DACH1: variants seen among roughly 807,000 people sequenced by gnomAD.
The protein encoded by DACH1 is dachshund family transcription factor 1.
In DACH1, 12 loss-of-function variants were observed where a neutral mutation model predicts 54.2. The observed-to-expected ratio is 0.22, with a 90% confidence interval of 0.14 to 0.36. DACH1 has a LOEUF of 0.36. Ranked by LOEUF, DACH1 falls within the 10% of genes least tolerant of loss-of-function variation. The pLI, the probability that DACH1 is intolerant of heterozygous loss-of-function variation, is 1.00. For synonymous variants in DACH1, 386 were observed against 366.2 expected, an observed-to-expected ratio of 1.05 and a Z score of -0.62; for missense variants, 805 against 929.8, an observed-to-expected ratio of 0.87 and a Z score of 1.75.
chr13:71,667,565 T>C (rs1879922830), intron 2 of DACH1, among the ~76,000 whole-genome samples: 2 of 152,218 alleles, frequency 1.3e-5, no homozygotes, highest in African/African-American at 2.4e-5. Context: ...CTCTCATTGA[T>C]ACATATAGTA....
At chr13:71,804,489 G>A (rs1215967355) in intron 1 of DACH1, among the ~76,000 whole-genome samples, 1 of 152,082 alleles carries the variant, frequency 6.6e-6, no homozygotes, top group African/African-American at 2.4e-5. Context: ...TACATCTTTA[G>A]AGATTGATTC....
intron 3 of DACH1, among the ~76,000 whole-genome samples, chr13:71,623,075 G>A (rs1260257048): frequency 6.6e-6 from 1 of 151,636 alleles, no homozygotes; most frequent in Non-Finnish European, 1.5e-5. Context: ...TATAAATCAT[G>A]CTGTAATGAT....
chr13:71,630,801 A>G, intron 2 of DACH1, 84 bp from the exon 3 acceptor site: 2 of 1,401,440 alleles, frequency 1.4e-6, no homozygotes, highest in Non-Finnish European at 1.9e-6. Context: ...ACCAACATAC[A>G]AACATTTATT....
intron 1 of DACH1, among the ~76,000 whole-genome samples, chr13:71,836,865 C>T (rs968168427): frequency 6.6e-6 from 1 of 152,034 alleles, no homozygotes; most frequent in Non-Finnish European, 1.5e-5. Context: ...CTCTCCACCC[C>T]TAACCATGAG....
At chr13:71,467,382 C>G (rs897287230) in intron 10 of DACH1, among the ~76,000 whole-genome samples, 4 of 148,698 alleles carry the variant, frequency 2.7e-5, no homozygotes, top group East Asian at 2.0e-4. Flanking sequence ...ATAGCATTAG[C>G]AGATATACCT....
chr13:71,683,303 G>A (rs1016119734), intron 1 of DACH1, among the ~76,000 whole-genome samples: 1 of 152,058 alleles, frequency 6.6e-6, no homozygotes, highest in Non-Finnish European at 1.5e-5. Flanking sequence ...TTGGAAGTTA[G>A]GATGGATGAT....
At chr13:71,466,892 C>T (rs1427802359) in intron 10 of DACH1, among the ~76,000 whole-genome samples, 6 of 148,678 alleles carry the variant, frequency 4.0e-5, no homozygotes, top group Non-Finnish European at 7.4e-5. Flanking sequence ...AAACTAAGCT[C>T]AATCATTATG....
intron 1 of DACH1, among the ~76,000 whole-genome samples, chr13:71,720,433 C>G (rs2138801293): frequency 6.6e-6 from 1 of 152,228 alleles, no homozygotes; most frequent in East Asian, 1.9e-4. Flanking sequence ...AGAGACACAC[C>G]TTGTTACCCT....
chr13:71,750,821 T>C (rs1294769965), intron 1 of DACH1, among the ~76,000 whole-genome samples: 2 of 152,124 alleles, frequency 1.3e-5, no homozygotes, highest in Non-Finnish European at 2.9e-5. Flanking sequence ...TTAGCTCTTG[T>C]AATAATTAGG....
At chr13:71,725,433 T>G (rs1012472401) in intron 1 of DACH1, among the ~76,000 whole-genome samples, 2 of 152,132 alleles carry the variant, frequency 1.3e-5, no homozygotes, top group African/African-American at 4.8e-5. Flanking sequence ...CATTGTGGTA[T>G]CTAACATTTA....
At chr13:71,657,874 C>A (rs1309791755) in intron 2 of DACH1, among the ~76,000 whole-genome samples, 1 of 152,088 alleles carries the variant, frequency 6.6e-6, no homozygotes, top group Non-Finnish European at 1.5e-5. Flanking sequence ...TCCCGGAGTG[C>A]TGGGATTACG....
At position 71,653,915 on chromosome 13, in the gene DACH1, G is replaced by GA. The variant is rs539058257; in HGVS notation, c.965-23199dup. The stretch of plus-strand genomic sequence containing the variant: ...GAGTAGATCTTAAATGTTCTCATCA[G>GA]AAAAAAAAAGAAAGAATAGAACCAC... On this transcript the variant is annotated intron_variant, in intron 2 of 10. Transcript: ENST00000613252. Among the ~76,000 whole-genome samples, 23 of 150,216 alleles carry GA rather than the reference G, an allele frequency of 1.5e-4. No homozygotes were observed. In the East Asian group the frequency reaches 4.1e-3, roughly 27 times the overall value.
intron 10 of DACH1, among the ~76,000 whole-genome samples, chr13:71,472,680 G>T (rs1877188993): frequency 6.6e-6 from 1 of 152,194 alleles, no homozygotes; most frequent in Non-Finnish European, 1.5e-5. Context: ...GAGAGAGAAA[G>T]TGATGAGTGT....
At chr13:71,538,840 T>G (rs964207371) in intron 6 of DACH1, among the ~76,000 whole-genome samples, 1 of 152,050 alleles carries the variant, frequency 6.6e-6, no homozygotes, top group African/African-American at 2.4e-5. Flanking sequence ...GGTTAAAACA[T>G]GTATTTGTTG....
chr13:71,462,871 T>TACAC lies in DACH1; in HGVS notation c.2083+12266_2083+12269dup, dbSNP rs374818301. Among the ~76,000 whole-genome samples the TACAC allele has an allele frequency of 9.7e-3, 999 of 102,872 alleles. 11 individuals carry two copies. The highest frequency in any genetic ancestry group is 0.028 in the African/African-American group (928 of 33,402). The allele number at this position is 102,872 out of a possible 152,430, so 67.5% of individuals were successfully genotyped here. A position where few individuals can be genotyped will look rare whatever the true frequency, so the allele number is the denominator to read the frequency against. ...ATTCCAGGTCTAGAATCTATCTATC[T>TACAC]ACACACACACACACACACACACACA... On this transcript the variant is annotated intron_variant, in intron 10 of 10. Coordinates refer to ENST00000613252, the MANE Select transcript of DACH1 (RefSeq NM_080759.6).
intron 6 of DACH1, among the ~76,000 whole-genome samples, chr13:71,504,212 G>A (rs1871221009): frequency 6.6e-6 from 1 of 152,056 alleles, no homozygotes; most frequent in African/African-American, 2.4e-5. Flanking sequence ...GGCTCAAAAA[G>A]TCAACAATTA....
chr13:71,492,570 C>T (rs958546583), intron 6 of DACH1, among the ~76,000 whole-genome samples: 7 of 152,096 alleles, frequency 4.6e-5, no homozygotes, highest in African/African-American at 1.7e-4. Context: ...GTCTCCAGAA[C>T]TGTGAGATAA....
At chr13:71,535,074 A>C (rs1882671764) in intron 6 of DACH1, among the ~76,000 whole-genome samples, 1 of 151,854 alleles carries the variant, frequency 6.6e-6, no homozygotes, top group East Asian at 1.9e-4. Flanking sequence ...ATGTTTCATA[A>C]AACTATTTTA....
chr13:71,710,492 G>T (rs1322929411), intron 1 of DACH1, among the ~76,000 whole-genome samples: 2 of 122,736 alleles, frequency 1.6e-5, no homozygotes, highest in Non-Finnish European at 3.6e-5. Flanking sequence ...GTGTGTGTGT[G>T]TTTATGTGTG....
Sources: gnomAD v4.1 joint callset for allele counts (sites outside exome capture counted in the v4.1 genomes callset) on GRCh38, gnomAD v4.1.1 for gene constraint, MANE v1.5 for transcripts, NCBI Gene and HGNC (gene_info 2026-07-23, HGNC 2026-07-21) for gene names.